The following GRM5 variants were observed in gnomAD, a reference collection of about 807,000 sequenced individuals.
GRM5 encodes glutamate metabotropic receptor 5, also known as metabotropic glutamate receptor 5.
Under a neutral mutation model 83.1 loss-of-function variants are expected in GRM5, and 19 were observed. The observed-to-expected ratio is 0.23, with a 90% confidence interval of 0.16 to 0.34. The LOEUF (loss-of-function observed/expected upper bound fraction) is 0.34, where lower values mean the gene tolerates loss of function less well. Ranked by LOEUF, GRM5 falls within the 10% of genes least tolerant of loss-of-function variation. GRM5 has a pLI of 1.00. For missense variants in GRM5, 1,160 were observed against 1,588.3 expected, an observed-to-expected ratio of 0.73 and a Z score of 4.58; for synonymous variants, 675 against 633.6, an observed-to-expected ratio of 1.07 and a Z score of -0.98.
At chr11:88,731,720 T>C (rs971762274) in intron 3 of GRM5, among the ~76,000 whole-genome samples, 2 of 152,008 alleles carry the variant, frequency 1.3e-5, no homozygotes, top group African/African-American at 4.8e-5. Flanking sequence ...AGAAATTAAC[T>C]GAAAGATCAA....
At chr11:88,800,447 C>G (rs1171055686) in intron 3 of GRM5, among the ~76,000 whole-genome samples, 3 of 151,696 alleles carry the variant, frequency 2.0e-5, no homozygotes, top group African/African-American at 7.3e-5. Context: ...ACTTGCAAAA[C>G]AATATCAAAA....
intron 2 of GRM5, among the ~76,000 whole-genome samples, chr11:89,019,676 C>T (rs1274654945): frequency 6.6e-6 from 1 of 152,108 alleles, no homozygotes; most frequent in African/African-American, 2.4e-5. Context: ...CCACTGCATT[C>T]CAGCCTGGGC....
At chr11:88,858,401 A>G (rs997777876) in intron 2 of GRM5, among the ~76,000 whole-genome samples, 31 of 152,056 alleles carry the variant, frequency 2.0e-4, no homozygotes, top group African/African-American at 7.0e-4. Flanking sequence ...GCTACTGAAT[A>G]TTGCCATAAA....
At chr11:88,667,080 AAG>A (rs1215274493) in intron 3 of GRM5, among the ~76,000 whole-genome samples, 2 of 152,208 alleles carry the variant, frequency 1.3e-5, no homozygotes, top group African/African-American at 2.4e-5. Context: ...TTTTTTAAAA[AAG>A]AGAAATTTAA....
intron 2 of GRM5, among the ~76,000 whole-genome samples, chr11:88,985,555 A>C (rs1424118728): frequency 6.6e-6 from 1 of 152,114 alleles, no homozygotes; most frequent in East Asian, 1.9e-4. Context: ...TGACATAAAA[A>C]AAATTATTAA....
intron 8 of GRM5, among the ~76,000 whole-genome samples, chr11:88,548,846 G>A (rs1312223162): frequency 6.6e-6 from 1 of 152,190 alleles, no homozygotes; most frequent in African/African-American, 2.4e-5. Context: ...CCAGAGACTA[G>A]AGAAGTGAAT....
intron 2 of GRM5, among the ~76,000 whole-genome samples, chr11:88,959,549 G>A (rs545068520): frequency 1.3e-5 from 2 of 152,134 alleles, no homozygotes; most frequent in African/African-American, 4.8e-5. Flanking sequence ...TAGTTCTACA[G>A]GTATAAATTG....
intron 4 of GRM5, among the ~76,000 whole-genome samples, chr11:88,608,171 G>C (rs1938212225): frequency 6.6e-6 from 1 of 152,134 alleles, no homozygotes; most frequent in South Asian, 2.1e-4. Context: ...GTTTTTTGCT[G>C]CCTATCTGTA....
chr11:89,029,963 T>A (rs1941223624), intron 2 of GRM5, among the ~76,000 whole-genome samples: 2 of 152,186 alleles, frequency 1.3e-5, no homozygotes, highest in African/African-American at 4.8e-5. Context: ...TTACTACTGT[T>A]ATATTGTTAT....
At chr11:89,008,920 T>C (rs1940606045) in intron 2 of GRM5, 1 of 522,580 alleles carries the variant, frequency 1.9e-6, no homozygotes, top group East Asian at 3.0e-5. Flanking sequence ...CTTTAGTTTG[T>C]TTCTTAATTA....
intron 2 of GRM5, among the ~76,000 whole-genome samples, chr11:88,940,621 T>A (rs1938059791): frequency 1.3e-5 from 2 of 151,564 alleles, no homozygotes; most frequent in African/African-American, 4.8e-5. Context: ...TCCATAAACA[T>A]ATGGAAAAAA....
intron 3 of GRM5, among the ~76,000 whole-genome samples, chr11:88,766,923 A>G (rs985899234): frequency 6.6e-6 from 1 of 151,998 alleles, no homozygotes. Flanking sequence ...AAAGACATAC[A>G]TGTGACCAAC....
intron 2 of GRM5, among the ~76,000 whole-genome samples, chr11:88,896,914 TC>T (rs1006079717): frequency 6.6e-6 from 1 of 151,850 alleles, no homozygotes; most frequent in South Asian, 2.1e-4. Flanking sequence ...TGCAATCCAG[TC>T]AAGTTGACAC....
intron 3 of GRM5, among the ~76,000 whole-genome samples, chr11:88,831,372 T>G (rs1429389517): frequency 6.6e-6 from 1 of 152,134 alleles, no homozygotes; most frequent in Admixed American, 6.5e-5. Flanking sequence ...AAGATTGAAC[T>G]CCCAGCCTCC....
At chr11:88,920,932 T>G (rs1311692388) in intron 2 of GRM5, among the ~76,000 whole-genome samples, 1 of 152,182 alleles carries the variant, frequency 6.6e-6, no homozygotes, top group Admixed American at 6.6e-5. Context: ...GGCATTCTTA[T>G]TTTTTAAAAA....
At chr11:89,022,048 G>C (rs1292620798) in intron 2 of GRM5, among the ~76,000 whole-genome samples, 3 of 152,098 alleles carry the variant, frequency 2.0e-5, no homozygotes, top group Non-Finnish European at 1.5e-5. Context: ...TCATATCCTG[G>C]GAGGGGCTGG....
chr11:88,541,719 G>A (rs144990278), intron 8 of GRM5, among the ~76,000 whole-genome samples: 48 of 136,896 alleles, frequency 3.5e-4, no homozygotes, highest in South Asian at 1.5e-3. Context: ...GAAATACCAT[G>A]TAATTTACAG....
At chr11:88,899,738 A>G (rs185789776) in intron 2 of GRM5, among the ~76,000 whole-genome samples, 41 of 152,188 alleles carry the variant, frequency 2.7e-4, no homozygotes, top group Admixed American at 1.9e-3. Flanking sequence ...TATGTGTGTA[A>G]AACAATCTCA....
chr11:89,006,538 T>A (rs1940530344), intron 2 of GRM5, among the ~76,000 whole-genome samples: 1 of 152,106 alleles, frequency 6.6e-6, no homozygotes, highest in African/African-American at 2.4e-5. Flanking sequence ...TGACTTCCCA[T>A]TGCTCCTAAA....
Sources: gnomAD v4.1 joint callset for allele counts (sites outside exome capture counted in the v4.1 genomes callset) on GRCh38, gnomAD v4.1.1 for gene constraint, MANE v1.5 for transcripts, NCBI Gene and HGNC (gene_info 2026-07-23, HGNC 2026-07-21) for gene names.